Variants in CSNK1G1 observed in about 807,000 individuals in gnomAD.
The protein encoded by CSNK1G1 is casein kinase I isoform gamma-1.
In CSNK1G1, 22 loss-of-function variants were observed where a neutral mutation model predicts 59.6. That is an observed-to-expected ratio of 0.37 (90% CI 0.26 to 0.53). CSNK1G1 has a LOEUF of 0.53. Ranked by LOEUF, CSNK1G1 falls within the 20% of genes least tolerant of loss-of-function variation. CSNK1G1 has a pLI of 0.89. For synonymous variants in CSNK1G1, 179 were observed against 177.1 expected, an observed-to-expected ratio of 1.01 and a Z score of -0.08; for missense variants, 384 against 519.5, an observed-to-expected ratio of 0.74 and a Z score of 2.54.
At chr15:64,205,045 C>A in intron 7 of CSNK1G1, 96 bp from the exon 8 acceptor site, 1 of 667,000 alleles carries the variant, frequency 1.5e-6, no homozygotes, top group Non-Finnish European at 2.5e-6. Context: ...CACTCAAATT[C>A]GCAGTATTTG....
chr15:64,308,586 C>G (rs553786885), intron 1 of CSNK1G1, among the ~76,000 whole-genome samples: 1 of 152,208 alleles, frequency 6.6e-6, no homozygotes, highest in Admixed American at 6.5e-5. Flanking sequence ...TCCAGTCTTC[C>G]GACTTCCTTT....
chr15:64,232,430 C>A (rs2082561954), intron 4 of CSNK1G1, among the ~76,000 whole-genome samples: 1 of 152,102 alleles, frequency 6.6e-6, no homozygotes. Flanking sequence ...TGTTTTCTTA[C>A]CAATGACACT....
rs2082283677 is a variant in CSNK1G1 at position 64,214,274 on chromosome 15, G to C, written c.445-150C>G. The C allele has an allele frequency of 1.6e-6, 1 of 626,464 alleles. No homozygotes were observed. The allele number at this position is 626,464 out of a possible 1,614,324, so 38.8% of individuals were successfully genotyped here. On this transcript the variant is annotated intron_variant, in intron 5 of 11. Transcript: ENST00000303052. The surrounding 1 kb of genome is among the most constrained non-coding windows in gnomAD (Gnocchi z 4.3). ...CCGCCCTGAGTCACTTCACTGACTT[G>C]TAAACAAAAAAATATTTTGCTATAA...
intron 10 of CSNK1G1, among the ~76,000 whole-genome samples, chr15:64,184,541 G>A (rs976422850): frequency 6.6e-6 from 1 of 151,402 alleles, no homozygotes; most frequent in Non-Finnish European, 1.5e-5. Context: ...GCTGGGCGTG[G>A]TGGCGGGCGC....
At chr15:64,212,935 G>A (rs2082266740) in intron 6 of CSNK1G1, among the ~76,000 whole-genome samples, 1 of 152,142 alleles carries the variant, frequency 6.6e-6, no homozygotes, top group African/African-American at 2.4e-5. Context: ...GAACCCGCGA[G>A]GCAGAGGTTG....
chr15:64,294,082 T>A (rs1894883003), intron 2 of CSNK1G1, among the ~76,000 whole-genome samples: 4 of 152,206 alleles, frequency 2.6e-5, no homozygotes. Context: ...AAAAGAGGCT[T>A]CTTTTTTTGA....
chr15:64,258,845 CAGTT>C (rs1050186316), intron 3 of CSNK1G1, among the ~76,000 whole-genome samples: 3 of 151,866 alleles, frequency 2.0e-5, no homozygotes, highest in African/African-American at 7.3e-5. Flanking sequence ...AAAAATAAAT[CAGTT>C]AAGTTAGAGA....
At chr15:64,352,441 A>AGTC (rs1898348081) in intron 1 of CSNK1G1, among the ~76,000 whole-genome samples, 5 of 93,034 alleles carry the variant, frequency 5.4e-5, no homozygotes, top group Admixed American at 1.4e-4. Flanking sequence ...CATAATTTGA[A>AGTC]TTCTTCTTTT....
At position 64,204,122 on chromosome 15, in the gene CSNK1G1, A is replaced by AAAAC. The variant is rs560611963; in HGVS notation, c.999+315_999+318dup. ...TGGCGCCATTGCACTCCAGCCTGGGAAAACAAACAAACAAACAAACAAACT... is the reference window on the plus strand; with the variant it reads ...TGGCGCCATTGCACTCCAGCCTGGGAAAACAAACAAACAAACAAACAAACAAACT... On this transcript the variant is annotated intron_variant, in intron 9 of 11. Transcript: ENST00000303052. Among the ~76,000 whole-genome samples, 833 of 152,016 alleles carry AAAAC rather than the reference A, an allele frequency of 5.5e-3. 6 individuals are homozygous for AAAAC. Among genetic ancestry groups the AAAAC allele is most frequent in the African/African-American group, 0.017 (698 of 41,462 alleles).
intron 10 of CSNK1G1, among the ~76,000 whole-genome samples, chr15:64,196,890 C>T (rs892312006): frequency 1.3e-5 from 2 of 151,580 alleles, no homozygotes; most frequent in Admixed American, 6.6e-5. Flanking sequence ...GAAACAAAAA[C>T]GAGTAGGAAG....
chr15:64,278,430 A>ATTTT (rs1457957653), intron 2 of CSNK1G1, among the ~76,000 whole-genome samples: 1 of 121,006 alleles, frequency 8.3e-6, no homozygotes, highest in Non-Finnish European at 1.7e-5. Context: ...ATATATATAT[A>ATTTT]TATTTTTTTT....
At chr15:64,254,009 G>A (rs997413408) in intron 3 of CSNK1G1, among the ~76,000 whole-genome samples, 2 of 151,974 alleles carry the variant, frequency 1.3e-5, no homozygotes, top group Non-Finnish European at 2.9e-5. Flanking sequence ...GAGTGTCAGC[G>A]TGCGCCTGTA....
intron 1 of CSNK1G1, among the ~76,000 whole-genome samples, chr15:64,302,298 A>G (rs990251631): frequency 2.6e-5 from 4 of 151,970 alleles, no homozygotes; most frequent in African/African-American, 9.7e-5. Flanking sequence ...ACGGGGTTTC[A>G]CCATGTTGGC....
chr15:64,306,234 A>G (rs575387421), intron 1 of CSNK1G1, among the ~76,000 whole-genome samples: 1 of 152,342 alleles, frequency 6.6e-6, no homozygotes, highest in South Asian at 2.1e-4. Context: ...AATATTTACA[A>G]AACACTTAAC....
chr15:64,241,267 G>T (rs751609616), intron 4 of CSNK1G1, among the ~76,000 whole-genome samples: 6 of 152,122 alleles, frequency 3.9e-5, no homozygotes, highest in Non-Finnish European at 8.8e-5. Flanking sequence ...AACAAAGAAG[G>T]TAATTATACA....
At chr15:64,179,601 T>A (rs902079998) in intron 11 of CSNK1G1, among the ~76,000 whole-genome samples, 1 of 152,182 alleles carries the variant, frequency 6.6e-6, no homozygotes, top group African/African-American at 2.4e-5. Flanking sequence ...AGTCTAAATC[T>A]GGATCTAAAT....
intron 2 of CSNK1G1, among the ~76,000 whole-genome samples, chr15:64,273,127 T>C (rs1893416060): frequency 6.6e-6 from 1 of 152,220 alleles, no homozygotes; most frequent in Non-Finnish European, 1.5e-5. Context: ...GCACTGTATA[T>C]TTCAAGATAG....
At chr15:64,275,318 G>A (rs1389676491) in intron 2 of CSNK1G1, among the ~76,000 whole-genome samples, 1 of 152,142 alleles carries the variant, frequency 6.6e-6, no homozygotes, top group Non-Finnish European at 1.5e-5. Context: ...GGAGGCATGA[G>A]CCATCTTGCC....
chr15:64,231,012 T>C (rs1489967670), intron 4 of CSNK1G1, among the ~76,000 whole-genome samples: 1 of 151,196 alleles, frequency 6.6e-6, no homozygotes, highest in Non-Finnish European at 1.5e-5. Flanking sequence ...AAAATAAAAT[T>C]GCAGGTTATA....
Sources: gnomAD v4.1 joint callset for allele counts (sites outside exome capture counted in the v4.1 genomes callset) on GRCh38, gnomAD v4.1.1 for gene constraint, Gnocchi (gnomAD v3.1) non-coding constraint, MANE v1.5 for transcripts, NCBI Gene and HGNC (gene_info 2026-07-23, HGNC 2026-07-21) for gene names.